MPP3: variants seen among roughly 807,000 people sequenced by gnomAD.
MPP3 encodes MAGUK p55 subfamily member 3.
In MPP3, 48 loss-of-function variants were observed where a neutral mutation model predicts 80.7. The ratio of observed to expected loss-of-function variants is 0.59; its 90% CI spans 0.47 to 0.76. The LOEUF (loss-of-function observed/expected upper bound fraction) is 0.76, where lower values mean the gene tolerates loss of function less well. Among genes scored for constraint, MPP3 ranks in the 30% least tolerant of loss-of-function variants. MPP3 has a pLI of 0.00. For missense variants in MPP3, 620 were observed against 763.0 expected (o/e 0.81, Z 2.21); for synonymous variants, 311 against 297.6 (o/e 1.04, Z -0.46).
chr17:43,831,865 C>CCG lies in MPP3; in HGVS notation c.25+16_25+17insCG. On this transcript the variant is annotated intron_variant, in intron 3 of 19. Coordinates refer to ENST00000398389, the MANE Select transcript of MPP3 (RefSeq NM_001932.6). The stretch of plus-strand genomic sequence containing the variant: ...TCTTCAGGACTGTGGCAGGTCCAGC[C>CCG]GGGGGGAGGTACTTACCAGAGTCCT... 6.3e-7 allele frequency: 1 copy of CCG among 1,598,738 alleles called. No individual in the cohort carries two copies. The highest frequency in any genetic ancestry group is 8.5e-7 in the Non-Finnish European group (1 of 1,173,772).
At chr17:43,823,717 C>T (rs1320168311) in intron 10 of MPP3, among the ~76,000 whole-genome samples, 1 of 152,162 alleles carries the variant, frequency 6.6e-6, no homozygotes, top group African/African-American at 2.4e-5. Context: ...TATTAGTAAG[C>T]CACGTCAAAT....
Position 43,829,761 on chromosome 17 carries a change from G to C in MPP3, c.334C>G (p.Gln112Glu). 6.2e-7 allele frequency: 1 copy of C among 1,613,902 alleles called. No homozygotes were observed. The highest frequency in any genetic ancestry group is 8.5e-7 in the Non-Finnish European group (1 of 1,179,990). The change falls in exon 7 of 20, where the codon CAG (glutamine) becomes GAG (glutamate). Residue 112 changes from glutamine to glutamate, a missense_variant. Physicochemically the swap from Gln to Glu is conservative, Grantham distance 29 (BLOSUM62 2). Coordinates refer to ENST00000398389, the MANE Select transcript of MPP3 (RefSeq NM_001932.6). ...AVLMVHDTVA[Q>E]KNFDPVLPPL... ...GGGAGAACGGGGTCAAAATTCTTCT[G>C]GGCAACCGTGTCATGTACCATGAGC...
rs759113477 is a variant in MPP3 at position 43,811,150 on chromosome 17, C to T, written c.1311G>A (p.Val437=). 6 of 1,614,106 alleles carry T rather than the reference C, an allele frequency of 3.7e-6. No individual in the cohort carries two copies. The highest frequency in any genetic ancestry group is 1.3e-5 in the African/African-American group (1 of 74,938). The change falls in exon 17 of 20, where the codon GTG becomes GTA. Residue 437 remains valine, a synonymous_variant. Transcript: ENST00000398389. ...AGTCGGCCTCAAATGCTTGCTTAGA[C>T]ACAAAGTGATATTCCACTCCTTCCT... is the stretch of plus-strand genomic sequence containing the variant. ...HEKEGVEYHF[V]SKQAFEADLH... is the part of the protein sequence containing the mutation.
At chr17:43,823,381 T>C (rs1444386659) in intron 10 of MPP3, among the ~76,000 whole-genome samples, 1 of 152,178 alleles carries the variant, frequency 6.6e-6, no homozygotes, top group Admixed American at 6.5e-5. Context: ...CTTTACCTTC[T>C]TCAGGCCTCA....
intron 19 of MPP3, among the ~76,000 whole-genome samples, chr17:43,807,929 C>A (rs903412661): frequency 6.6e-6 from 1 of 151,474 alleles, no homozygotes; most frequent in South Asian, 2.1e-4. Flanking sequence ...CACTGCACTC[C>A]AGTCTGGGCA....
chr17:43,802,770 T>C (rs1168323890), intron 19 of MPP3, among the ~76,000 whole-genome samples: 2 of 152,146 alleles, frequency 1.3e-5, no homozygotes, highest in Non-Finnish European at 2.9e-5. Context: ...TGTTGCTGTC[T>C]CCCCTCTGCT....
At chr17:43,814,540 G>A in intron 14 of MPP3, 179 bp from the exon 15 acceptor site, 4 of 564,586 alleles carry the variant, frequency 7.1e-6, no homozygotes, top group Non-Finnish European at 1.2e-5. Flanking sequence ...AGATGAAAGG[G>A]TGACCCCTGC....
rs112158676 is a variant in MPP3 at position 43,820,639 on chromosome 17, C to T, written c.881+223G>A. ...ACACACACACACACACACACACACA[C>T]ATTAACTTAATAACATAAATTTCCA... On this transcript the variant is annotated intron_variant, in intron 11 of 19. Coordinates refer to ENST00000398389, the MANE Select transcript of MPP3 (RefSeq NM_001932.6). 7.5e-4 allele frequency among the ~76,000 whole-genome samples: 109 copies of T among 145,340 alleles called. No individual in the cohort carries two copies. Among genetic ancestry groups the T allele is most frequent in the South Asian group, 1.1e-3 (5 of 4,586 alleles).
In MPP3 at chr17:43,827,049, CTT is replaced by C. The variant is rs1185886260; in HGVS notation, c.523+700_523+701del. ...CTTTTTTTTGAGACGGAATTTCACT[CTT>C]GTTGCCCAGGCGGGAGCGCAATGGC... On this transcript the variant is annotated intron_variant, in intron 8 of 19. Coordinates refer to ENST00000398389, the MANE Select transcript of MPP3 (RefSeq NM_001932.6). Among the ~76,000 whole-genome samples the C allele has an allele frequency of 5.9e-5, 9 of 151,902 alleles. No homozygotes were observed. In the East Asian group the frequency reaches 1.7e-3, roughly 29 times the overall value.
chr17:43,832,867 GGGACCTCGGAGGGCGGTCCCGGA>G (rs2046038108), intron 1 of MPP3, 48 bp from the exon 2 acceptor site: 1 of 152,726 alleles, frequency 6.5e-6, no homozygotes, highest in Non-Finnish European at 1.5e-5. Context: ...GCGACCCCGG[GGGACCTCGGAGGGCGGTCCCGGA>G]GGACGCGGAG....
intron 19 of MPP3, among the ~76,000 whole-genome samples, chr17:43,803,979 T>C (rs1326619045): frequency 5.9e-5 from 9 of 152,132 alleles, no homozygotes; most frequent in Non-Finnish European, 2.9e-5. Context: ...ACACTGGGAA[T>C]AGAATGCAGC....
At chr17:43,825,512 GGGAA>G in intron 9 of MPP3, 4 of 425,634 alleles carry the variant, frequency 9.4e-6, no homozygotes, top group Non-Finnish European at 1.7e-5. Flanking sequence ...AGGGAACCAG[GGGAA>G]GGAAGGAAGG....
rs1243108129 is a variant in MPP3 at position 43,831,930 on chromosome 17, T to TCTCCC, written c.-29_-25dup. On this transcript the variant is annotated 5_prime_UTR_variant, in exon 3 of 20. Coordinates refer to ENST00000398389, the MANE Select transcript of MPP3 (RefSeq NM_001932.6). ...ATGCTGGCGTTGTCACCTCCCGACC[T>TCTCCC]CTCCCTGCAGATTCTGGGAGAAGGG... 4 of 1,611,754 alleles carry TCTCCC rather than the reference T, an allele frequency of 2.5e-6. No homozygotes were observed. In the South Asian group the frequency reaches 4.4e-5, roughly 18 times the overall value.
At position 43,827,834 on chromosome 17, in the gene MPP3, T is replaced by G; in HGVS notation, c.442-2A>C. ...CTCGTCCCGCCGGATGGTGGCACCC[T>G]GAACCCGAGACAGAAGAGACAGGTT... On this transcript the variant is annotated splice_acceptor_variant, in intron 7 of 19. Coordinates refer to ENST00000398389, the MANE Select transcript of MPP3 (RefSeq NM_001932.6). LOFTEE classifies it high-confidence loss of function. The G allele has an allele frequency of 6.2e-7, 1 of 1,613,102 alleles. No individual in the cohort carries two copies. Among genetic ancestry groups the G allele is most frequent in the Non-Finnish European group, 8.5e-7 (1 of 1,179,978 alleles).
At chr17:43,827,717 G>A (rs768380515) in intron 8 of MPP3, 34 bp downstream of exon 8, 22 of 1,602,084 alleles carry the variant, frequency 1.4e-5, no homozygotes, top group East Asian at 1.1e-4. Flanking sequence ...GGCCATGATC[G>A]GGGCTGGGCC....
chr17:43,815,534 T>A (rs764971809), intron 14 of MPP3, among the ~76,000 whole-genome samples: 1 of 151,732 alleles, frequency 6.6e-6, no homozygotes, highest in Non-Finnish European at 1.5e-5. Flanking sequence ...CCTAGGACAT[T>A]GAGGCTGCTG....
chr17:43,814,824 T>C (rs73985113), intron 14 of MPP3, among the ~76,000 whole-genome samples: 1,860 of 152,334 alleles, frequency 0.012, 40 homozygotes, highest in African/African-American at 0.043. Flanking sequence ...AGAAAGTCCT[T>C]GGCCTTAGGA....
At chr17:43,825,871 CAGG>C (rs1567822686) in intron 8 of MPP3, 30 bp from the exon 9 acceptor site, 3 of 1,416,956 alleles carry the variant, frequency 2.1e-6, no homozygotes, top group South Asian at 2.3e-5. Flanking sequence ...ACCATCAGCA[CAGG>C]AGGAGGACCT....
intron 11 of MPP3, among the ~76,000 whole-genome samples, 190 bp downstream of exon 11, chr17:43,820,672 C>G (rs187752655): frequency 9.0e-4 from 135 of 149,724 alleles, no homozygotes; most frequent in African/African-American, 2.9e-3. Context: ...CCATAGATTC[C>G]TTTAAATCTC....
Sources: allele counts gnomAD v4.1 joint callset (sites outside exome capture counted in the v4.1 genomes callset), GRCh38; gene constraint gnomAD v4.1.1; transcripts MANE v1.5; gene names NCBI Gene and HGNC (gene_info 2026-07-23, HGNC 2026-07-21).